LHPP: variants seen among roughly 807,000 people sequenced by gnomAD.
LHPP encodes the protein phospholysine phosphohistidine inorganic pyrophosphate phosphatase, also known as hLHPP.
LHPP carries 24 observed loss-of-function variants against 30.3 expected under a neutral mutation model. The observed-to-expected ratio is 0.79, with a 90% CI of 0.57 to 1.11. LHPP has a LOEUF of 1.11. Among genes scored for constraint, LHPP ranks in the 50% most tolerant of loss-of-function variants. The pLI, the probability that LHPP is intolerant of heterozygous loss-of-function variation, is 0.00. For synonymous variants in LHPP, 150 were observed against 157.1 expected (o/e 0.95, Z 0.34); for missense variants, 356 against 367.2 (o/e 0.97, Z 0.25).
At chr10:124,511,669 T>C (rs1954301874) in intron 5 of LHPP, among the ~76,000 whole-genome samples, 1 of 152,130 alleles carries the variant, frequency 6.6e-6, no homozygotes, top group Non-Finnish European at 1.5e-5. Flanking sequence ...GCAGAAAAGC[T>C]CCGTTTTCAG....
intron 6 of LHPP, among the ~76,000 whole-genome samples, chr10:124,527,469 AG>A (rs1484132792): frequency 6.6e-6 from 1 of 152,136 alleles, no homozygotes; most frequent in African/African-American, 2.4e-5. Flanking sequence ...GTGCTCCTCT[AG>A]CTCCACTGTC....
chr10:124,477,968 C>A (rs1329433453), intron 1 of LHPP, among the ~76,000 whole-genome samples: 2 of 152,094 alleles, frequency 1.3e-5, no homozygotes, highest in Non-Finnish European at 1.5e-5. Flanking sequence ...GCTGGGGTGA[C>A]TCCTCTGTTG....
intron 6 of LHPP, among the ~76,000 whole-genome samples, chr10:124,608,859 TTTCA>T (rs1278012719): frequency 1.3e-5 from 2 of 152,182 alleles, no homozygotes; most frequent in Admixed American, 1.3e-4. Context: ...CCTGCCCACC[TTTCA>T]TTCTGTACCA....
chr10:124,544,899 G>A (rs116426447), intron 6 of LHPP, among the ~76,000 whole-genome samples: 1,645 of 152,312 alleles, frequency 0.011, 39 homozygotes, highest in African/African-American at 0.037. Flanking sequence ...ACTGTGGCGC[G>A]AGTGCATATG....
intron 6 of LHPP, among the ~76,000 whole-genome samples, chr10:124,579,207 G>A (rs1161835519): frequency 6.6e-6 from 1 of 152,256 alleles, no homozygotes; most frequent in Non-Finnish European, 1.5e-5. Context: ...AGCGTTCTGA[G>A]CGCCCTCTGA....
At chr10:124,550,584 G>T (rs1177190080) in intron 6 of LHPP, among the ~76,000 whole-genome samples, 1 of 152,202 alleles carries the variant, frequency 6.6e-6, no homozygotes, top group Non-Finnish European at 1.5e-5. Context: ...GAGGCGCAGT[G>T]TGTTTATGTG....
chr10:124,545,952 G>A (rs2133951216), intron 6 of LHPP: 1 of 152,424 alleles, frequency 6.6e-6, no homozygotes, highest in Admixed American at 6.5e-5. Context: ...GGGTGGTATT[G>A]ACCAGGCGTG....
rs549081882 is a variant in LHPP, at chr10:124,612,770, C to T, written c.717-494C>T. ...GAGGGCACCAACCAGAAGACACATG[C>T]TGTCACTGACATGCGGGCCCCCAGC... On this transcript the variant is annotated intron_variant, in intron 6 of 6. Transcript: ENST00000368842. The T allele has an allele frequency of 9.5e-5, 15 of 157,610 alleles. No homozygotes were observed. In the South Asian group the frequency reaches 2.7e-3, roughly 28 times the overall value. 9.8% of individuals were successfully genotyped at this position (157,610 alleles called of 1,614,324 possible).
intron 6 of LHPP, among the ~76,000 whole-genome samples, chr10:124,559,075 T>C (rs1328110074): frequency 6.6e-6 from 1 of 152,086 alleles, no homozygotes; most frequent in Non-Finnish European, 1.5e-5. Flanking sequence ...GAGGTTACCA[T>C]GCACAAGGGC....
intron 6 of LHPP, among the ~76,000 whole-genome samples, chr10:124,543,181 C>G (rs559885925): frequency 1.1e-4 from 17 of 152,218 alleles, no homozygotes; most frequent in Non-Finnish European, 2.4e-4. Context: ...TCGGGCAGTA[C>G]AAGCCTTCAT....
At chr10:124,525,233 A>T (rs1358588161) in intron 6 of LHPP, among the ~76,000 whole-genome samples, 1 of 152,168 alleles carries the variant, frequency 6.6e-6, no homozygotes, top group African/African-American at 2.4e-5. Context: ...CGTCCCTCAG[A>T]GGGAACATCT....
At chr10:124,571,566 G>A (rs932441931) in intron 6 of LHPP, among the ~76,000 whole-genome samples, 2 of 152,246 alleles carry the variant, frequency 1.3e-5, no homozygotes, top group Non-Finnish European at 2.9e-5. Context: ...CCTGGGAGGA[G>A]GACCAGCAAA....
At chr10:124,511,630 T>C (rs1363070358) in intron 5 of LHPP, among the ~76,000 whole-genome samples, 3 of 152,222 alleles carry the variant, frequency 2.0e-5, no homozygotes, top group Non-Finnish European at 4.4e-5. Context: ...TCTGCTTGAC[T>C]ATGATACATG....
chr10:124,610,233 C>T (rs1201973699), intron 6 of LHPP, among the ~76,000 whole-genome samples: 2 of 152,216 alleles, frequency 1.3e-5, no homozygotes, highest in Non-Finnish European at 2.9e-5. Context: ...CACAGAATGA[C>T]ACACACAAGA....
At chr10:124,474,224 C>T (rs1243205235) in intron 1 of LHPP, among the ~76,000 whole-genome samples, 4 of 146,740 alleles carry the variant, frequency 2.7e-5, no homozygotes, top group African/African-American at 5.0e-5. Context: ...ACTGCAGCCT[C>T]GACCTCCTGG....
At chr10:124,595,834 G>A (rs1466885285) in intron 6 of LHPP, among the ~76,000 whole-genome samples, 1 of 152,192 alleles carries the variant, frequency 6.6e-6, no homozygotes, top group Non-Finnish European at 1.5e-5. Context: ...CTTGCATATA[G>A]CAAAGTGCAT....
At chr10:124,559,146 A>C (rs1948351353) in intron 6 of LHPP, among the ~76,000 whole-genome samples, 1 of 152,212 alleles carries the variant, frequency 6.6e-6, no homozygotes, top group Non-Finnish European at 1.5e-5. Flanking sequence ...TAGCAGGTGC[A>C]GCGGGCAAGG....
At chr10:124,539,735 C>CA (rs34308960) in intron 6 of LHPP, among the ~76,000 whole-genome samples, 1,308 of 120,864 alleles carry the variant, frequency 0.011, 44 homozygotes, top group African/African-American at 0.038. Flanking sequence ...AACCCTGTCT[C>CA]AAAAAAAAAA....
intron 6 of LHPP, among the ~76,000 whole-genome samples, chr10:124,537,298 C>T (rs990708377): frequency 1.3e-5 from 2 of 152,160 alleles, no homozygotes; most frequent in African/African-American, 4.8e-5. Context: ...CATGGGGGCC[C>T]GTGAGCTGTT....
Sources: allele counts gnomAD v4.1 joint callset (sites outside exome capture counted in the v4.1 genomes callset), GRCh38; gene constraint gnomAD v4.1.1; transcripts MANE v1.5; gene names NCBI Gene and HGNC (gene_info 2026-07-23, HGNC 2026-07-21).